Variants in SMG6 observed in about 807,000 individuals in gnomAD.
The protein encoded by SMG6 is SMG6 nonsense mediated mRNA decay factor, also known as telomerase-binding protein EST1A.
SMG6 carries 66 observed loss-of-function variants against 142.2 expected under a neutral mutation model. The observed-to-expected ratio is 0.46, with a 90% confidence interval of 0.38 to 0.57. The LOEUF (loss-of-function observed/expected upper bound fraction) is 0.57. Among genes scored for constraint, SMG6 ranks in the 20% least tolerant of loss-of-function variants. The pLI is 0.00. For synonymous variants in SMG6, 779 were observed against 702.4 expected (o/e 1.11, Z -1.72); for missense variants, 1,793 against 1,832.0 (o/e 0.98, Z 0.39).
intron 15 of SMG6, 108 bp from the exon 16 acceptor site, chr17:2,069,039 T>C: frequency 9.1e-7 from 1 of 1,096,362 alleles, no homozygotes; most frequent in Non-Finnish European, 1.3e-6. Context: ...AGGAACCTCT[T>C]CCCCTCCACA....
At chr17:2,254,614 C>T (rs1323698240) in intron 8 of SMG6, among the ~76,000 whole-genome samples, 1 of 152,124 alleles carries the variant, frequency 6.6e-6, no homozygotes. Flanking sequence ...GGACTACAGG[C>T]GTGAGATACC....
At chr17:2,078,232 A>ATAG (rs2068314215) in intron 15 of SMG6, among the ~76,000 whole-genome samples, 2 of 152,200 alleles carry the variant, frequency 1.3e-5, no homozygotes, top group Admixed American at 1.3e-4. Context: ...TTGACCTAGA[A>ATAG]TAGTAGTAGT....
At chr17:2,124,595 G>C (rs1323481467) in intron 13 of SMG6, among the ~76,000 whole-genome samples, 1 of 152,140 alleles carries the variant, frequency 6.6e-6, no homozygotes, top group Non-Finnish European at 1.5e-5. Context: ...TTACCCTCTA[G>C]GCTCTAAGAC....
chr17:2,148,650 G>C (rs1381053018), intron 13 of SMG6, among the ~76,000 whole-genome samples: 1 of 152,184 alleles, frequency 6.6e-6, no homozygotes, highest in African/African-American at 2.4e-5. Flanking sequence ...CTTGAGGCCA[G>C]GAGCTCAAGA....
At chr17:2,200,469 A>G (rs1214396647) in intron 10 of SMG6, among the ~76,000 whole-genome samples, 1 of 150,770 alleles carries the variant, frequency 6.6e-6, no homozygotes. Context: ...TCAACTCGTC[A>G]TTTACATTGG....
intron 15 of SMG6, among the ~76,000 whole-genome samples, chr17:2,081,113 G>A (rs1294740636): frequency 6.6e-6 from 1 of 152,170 alleles, no homozygotes; most frequent in Non-Finnish European, 1.5e-5. Flanking sequence ...AGCGGAGTGG[G>A]TGGCTTGATG....
intron 15 of SMG6, among the ~76,000 whole-genome samples, chr17:2,079,254 G>A (rs949340997): frequency 4.6e-5 from 7 of 152,212 alleles, no homozygotes; most frequent in Non-Finnish European, 7.3e-5. Context: ...GTGAGCCACC[G>A]TGCCTGGCCA....
At chr17:2,253,992 T>G (rs989410015) in intron 8 of SMG6, among the ~76,000 whole-genome samples, 11 of 152,188 alleles carry the variant, frequency 7.2e-5, no homozygotes, top group Non-Finnish European at 1.0e-4. Flanking sequence ...AGATTAAGAT[T>G]TATGAATCCC....
rs145926620 is a variant in SMG6 at position 2,061,465 on chromosome 17, C to CGGGG, written c.*23_*26dup. 9 of 1,359,292 alleles carry CGGGG rather than the reference C, an allele frequency of 6.6e-6. No individual in the cohort carries two copies. The highest frequency in any genetic ancestry group is 1.5e-5 in the African/African-American group (1 of 67,068). The allele number at this position is 1,359,292 out of a possible 1,614,324, so 84.2% of individuals were successfully genotyped here. Reference sequence around the variant, plus strand: ...TGGTGGCCTTTCAGGAACGGTTCCACGGGGGGGGGGCCCCAGTGTGGCTCC... The same window carrying CGGGG: ...TGGTGGCCTTTCAGGAACGGTTCCACGGGGGGGGGGGGGGCCCCAGTGTGGCTCC... On this transcript the variant is annotated 3_prime_UTR_variant, in exon 19 of 19. Transcript: ENST00000263073.
intron 13 of SMG6, among the ~76,000 whole-genome samples, chr17:2,093,688 A>C (rs931985152): frequency 3.9e-5 from 6 of 152,176 alleles, no homozygotes; most frequent in African/African-American, 9.7e-5. Context: ...GCTGCAAAAA[A>C]AATTTTTTTT....
rs184039601 is a variant in SMG6, at chr17:2,109,970, C to A, written c.3358-24069G>T. ...TGGTGGTGCACGTCTGCAGTCCCAA[C>A]TACTTGGGAGGCTGAGGCATGAGAA... On this transcript the variant is annotated intron_variant, in intron 13 of 18. Coordinates refer to ENST00000263073, the MANE Select transcript of SMG6 (RefSeq NM_017575.5). Among the ~76,000 whole-genome samples the A allele has an allele frequency of 1.9e-4, 28 of 151,096 alleles. No individual in the cohort carries two copies. The Middle Eastern group carries it at 0.014, about 73-fold the overall frequency.
chr17:2,088,110 G>GC (rs2068614626), intron 13 of SMG6: 1 of 985,290 alleles, frequency 1.0e-6, no homozygotes, highest in Non-Finnish European at 1.2e-6. Flanking sequence ...AGGTACACTG[G>GC]CACCCCTGCT....
At chr17:2,125,432 T>C (rs575335785) in intron 13 of SMG6, among the ~76,000 whole-genome samples, 25 of 152,318 alleles carry the variant, frequency 1.6e-4, no homozygotes, top group African/African-American at 6.0e-4. Context: ...TGCTGGCCAA[T>C]AGGATGATGA....
At position 2,300,321 on chromosome 17, in the gene SMG6, C is replaced by T; in HGVS notation, c.432G>A (p.Gln144=). The change falls in exon 2 of 19, where the codon CAG becomes CAA. Residue 144 remains glutamine (Q), a synonymous_variant. Coordinates refer to ENST00000263073, the MANE Select transcript of SMG6 (RefSeq NM_017575.5). ...GCAAACGTCGTCCAGGCTGATAGATCTGCAGGTCGGGTTTCTTTGTTCTTT... is the reference window on the plus strand; with the variant it reads ...GCAAACGTCGTCCAGGCTGATAGATTTGCAGGTCGGGTTTCTTTGTTCTTT... ...IIKRTKKPDL[Q]IYQPGRRLQT... 6.2e-7 allele frequency: 1 copy of T among 1,614,028 alleles called. No individual in the cohort carries two copies. The highest frequency in any genetic ancestry group is 1.1e-5 in the South Asian group (1 of 91,080).
chr17:2,065,731 C>G (rs1396973166), intron 16 of SMG6, 52 bp from the exon 17 acceptor site: 2 of 1,471,000 alleles, frequency 1.4e-6, no homozygotes, highest in South Asian at 2.3e-5. Flanking sequence ...AGCTTTCATC[C>G]TAGGCCTCTG....
chr17:2,222,887 C>G (rs1005642188), intron 10 of SMG6, among the ~76,000 whole-genome samples: 1 of 152,196 alleles, frequency 6.6e-6, no homozygotes, highest in African/African-American at 2.4e-5. Context: ...TAGCAGGCAT[C>G]TGAAAAATAA....
chr17:2,096,037 T>C (rs2068847036), intron 13 of SMG6, among the ~76,000 whole-genome samples: 1 of 152,152 alleles, frequency 6.6e-6, no homozygotes, highest in Non-Finnish European at 1.5e-5. Context: ...TCCCTCATCG[T>C]CTTTTAAGCT....
At chr17:2,179,583 T>C (rs1265182324) in intron 12 of SMG6, among the ~76,000 whole-genome samples, 1 of 61,696 alleles carries the variant, frequency 1.6e-5, no homozygotes, top group Non-Finnish European at 3.1e-5. Flanking sequence ...ATTTCTAGAG[T>C]TTTTTTTTTT....
chr17:2,209,605 C>A (rs1307594770), intron 10 of SMG6, among the ~76,000 whole-genome samples: 1 of 152,142 alleles, frequency 6.6e-6, no homozygotes, highest in African/African-American at 2.4e-5. Context: ...CTCACGTGAT[C>A]TGCCCACCTT....
Sources: gnomAD v4.1 joint callset for allele counts (sites outside exome capture counted in the v4.1 genomes callset) on GRCh38, gnomAD v4.1.1 for gene constraint, MANE v1.5 for transcripts, NCBI Gene and HGNC (gene_info 2026-07-23, HGNC 2026-07-21) for gene names.